Variants in SVBP observed in about 807,000 individuals in gnomAD.
SVBP encodes small vasohibin-binding protein.
SVBP carries 9 observed loss-of-function variants against 9.2 expected under a neutral mutation model. The ratio of observed to expected loss-of-function variants is 0.98; its 90% CI spans 0.59 to 1.71. The LOEUF (loss-of-function observed/expected upper bound fraction) is 1.71, where lower values mean the gene tolerates loss of function less well. SVBP is among the 40% of genes most tolerant of loss of function. The probability of loss-of-function intolerance (pLI) is 0.00; values close to 1 mark genes in which losing one functional copy is unlikely to be tolerated. For missense variants in SVBP, 63 were observed against 73.2 expected (o/e 0.86, Z 0.51); for synonymous variants, 27 against 23.9 (o/e 1.13, Z -0.37).
intron 2 of SVBP, among the ~76,000 whole-genome samples, chr1:42,809,373 G>A (rs1318668233): frequency 6.6e-6 from 1 of 151,988 alleles, no homozygotes; most frequent in African/African-American, 2.4e-5. Context: ...GAATGAAAAA[G>A]CAACCAAACC....
rs1654019472 is a variant in SVBP, at chr1:42,808,695, T to G, written c.115-1195A>C. Among the ~76,000 whole-genome samples, 4 of 151,166 alleles carry G rather than the reference T, an allele frequency of 2.6e-5. No individual in the cohort carries two copies. In the South Asian group the frequency reaches 8.3e-4, roughly 32 times the overall value. On this transcript the variant is annotated intron_variant, in intron 2 of 2. Coordinates refer to ENST00000372521, the MANE Select transcript of SVBP (RefSeq NM_199342.4). Reference sequence around the variant, plus strand: ...TATGTATGTATATATCGCATATATATATGAGCTATATATATATTTCAGACA... The same window carrying G: ...TATGTATGTATATATCGCATATATAGATGAGCTATATATATATTTCAGACA...
At chr1:42,816,294 C>T in intron 2 of SVBP, 137 bp downstream of exon 2, 1 of 639,238 alleles carries the variant, frequency 1.6e-6, no homozygotes, top group Non-Finnish European at 2.7e-6. Flanking sequence ...CAGTGTTGTC[C>T]CCTCTAAACC....
intron 2 of SVBP, among the ~76,000 whole-genome samples, chr1:42,815,873 A>G (rs1336697499): frequency 6.6e-6 from 1 of 152,254 alleles, no homozygotes; most frequent in Non-Finnish European, 1.5e-5. Context: ...ACAGATAAAC[A>G]AAACAAAGAG....
rs574293566 is a variant in SVBP, at chr1:42,814,386, G to A, written c.114+2045C>T. On this transcript the variant is annotated intron_variant, in intron 2 of 2. Transcript: ENST00000372521. ...CCACTGTGCCTGGCCAATATTTAAT[G>A]AATGAATCAGGTTAACAAAAATTAA... Among the ~76,000 whole-genome samples the A allele has an allele frequency of 1.6e-4, 24 of 151,210 alleles. No individual in the cohort carries two copies. The Middle Eastern group carries it at 0.01, about 64-fold the overall frequency.
chr1:42,817,302 C>A lies in SVBP; in HGVS notation c.-149G>T, dbSNP rs1388664289. 2 of 1,192,790 alleles carry A rather than the reference C, an allele frequency of 1.7e-6. No individual in the cohort carries two copies. Among genetic ancestry groups the A allele is most frequent in the Non-Finnish European group, 2.2e-6 (2 of 926,706 alleles). The allele number at this position is 1,192,790 out of a possible 1,614,324, so 73.9% of individuals were successfully genotyped here. A position where few individuals can be genotyped will look rare whatever the true frequency, so the allele number is the denominator to read the frequency against. ...ACTGGACCCAGCGCTGCCTGCCCAC[C>A]GCCCCTCGTCCTGGGCGGGGCCGCG... is the stretch of plus-strand genomic sequence containing the variant. On this transcript the variant is annotated 5_prime_UTR_variant, in exon 1 of 3. Coordinates refer to ENST00000372521, the MANE Select transcript of SVBP (RefSeq NM_199342.4).
At chr1:42,811,674 A>G (rs1654087635) in intron 2 of SVBP, among the ~76,000 whole-genome samples, 1 of 152,158 alleles carries the variant, frequency 6.6e-6, no homozygotes, top group Non-Finnish European at 1.5e-5. Flanking sequence ...ATTCCTTTTA[A>G]TGGTCTTCTG....
At chr1:42,814,763 G>A (rs2124252856) in intron 2 of SVBP, among the ~76,000 whole-genome samples, 1 of 152,328 alleles carries the variant, frequency 6.6e-6, no homozygotes, top group African/African-American at 2.4e-5. Context: ...CTTTTACACT[G>A]TTGGTGGGAC....
intron 2 of SVBP, among the ~76,000 whole-genome samples, chr1:42,811,928 T>A (rs59491659): frequency 0.016 from 2,387 of 152,150 alleles, 69 homozygotes; most frequent in African/African-American, 0.053. Context: ...CTGTTTTTTT[T>A]AAAAACGGAT....
chr1:42,817,214 T>C lies in SVBP; in HGVS notation c.-61A>G. 1.6e-6 allele frequency: 2 copies of C among 1,256,342 alleles called. No homozygotes were observed. The highest frequency in any genetic ancestry group is 2.1e-6 in the Non-Finnish European group (2 of 974,114). 77.8% of individuals were successfully genotyped at this position (1,256,342 alleles called of 1,614,324 possible). ...CCTTTCCCGACCGGGCCACTGGAAG[T>C]TGGAGCCTCCGCCGAGTCGCAGACA... On this transcript the variant is annotated 5_prime_UTR_variant, in exon 1 of 3. Transcript: ENST00000372521.
intron 2 of SVBP, among the ~76,000 whole-genome samples, chr1:42,811,567 T>C (rs1161243340): frequency 6.6e-6 from 1 of 152,218 alleles, no homozygotes; most frequent in African/African-American, 2.4e-5. Flanking sequence ...GGCTGCCTGC[T>C]TGGAAACACA....
chr1:42,816,541 C>G lies in SVBP; in HGVS notation c.4G>C (p.Asp2His). The G allele has an allele frequency of 6.2e-7, 1 of 1,610,234 alleles. No homozygotes were observed. The highest frequency in any genetic ancestry group is 8.5e-7 in the Non-Finnish European group (1 of 1,176,536). ...GTTTTTTCTTTACGTGCAGGTGGATCCATGGCTTGACTTCTGGATATTTCT... is the reference window on the plus strand; with the variant it reads ...GTTTTTTCTTTACGTGCAGGTGGATGCATGGCTTGACTTCTGGATATTTCT... M[D>H]PPARKEKTKV... The change falls in exon 2 of 3, where the codon GAT (aspartate) becomes CAT (histidine). Residue 2 changes from aspartate to histidine, a missense_variant. Transcript: ENST00000372521.
chr1:42,814,071 C>T (rs945559269), intron 2 of SVBP, among the ~76,000 whole-genome samples: 1 of 151,632 alleles, frequency 6.6e-6, no homozygotes, highest in Non-Finnish European at 1.5e-5. Flanking sequence ...GTGCCTGGCA[C>T]ATACTAGCAG....
rs998435951 is a variant in SVBP at position 42,816,605 on chromosome 1, T to G, written c.-36-25A>C. 7 of 1,195,584 alleles carry G rather than the reference T, an allele frequency of 5.9e-6. No individual in the cohort carries two copies. In the African/African-American group the frequency reaches 1.1e-4, roughly 18 times the overall value. The allele number at this position is 1,195,584 out of a possible 1,614,324, so 74.1% of individuals were successfully genotyped here. ...TCTGGGTGGTACAGAAAGAGGCAGA[T>G]CTTCAAAACAAAACAAAACAAAAAA... On this transcript the variant is annotated intron_variant, in intron 1 of 2. Coordinates refer to ENST00000372521, the MANE Select transcript of SVBP (RefSeq NM_199342.4).
rs142694785 is a variant in SVBP, at chr1:42,807,153, GTT to G, written c.*259_*260del. The G allele has an allele frequency of 1.6e-3, 285 of 180,414 alleles. No individual in the cohort carries two copies. The highest frequency in any genetic ancestry group is 2.1e-3 in the East Asian group (27 of 12,626). 11.2% of individuals were successfully genotyped at this position (180,414 alleles called of 1,614,324 possible). A position where few individuals can be genotyped will look rare whatever the true frequency, so the allele number is the denominator to read the frequency against. ...AATAGAAAAAGTGTTTTTTGTGTGT[GTT>G]TTTTTTTTTTTTTTAAAAAAACCCA... On this transcript the variant is annotated 3_prime_UTR_variant, in exon 3 of 3. Coordinates refer to ENST00000372521, the MANE Select transcript of SVBP (RefSeq NM_199342.4).
At chr1:42,815,221 G>A (rs1654171904) in intron 2 of SVBP, among the ~76,000 whole-genome samples, 1 of 119,790 alleles carries the variant, frequency 8.3e-6, no homozygotes, top group Admixed American at 1.0e-4. Flanking sequence ...CCTGTTGTGG[G>A]GTGGGGGGAG....
At chr1:42,810,530 G>A (rs1260086237) in intron 2 of SVBP, among the ~76,000 whole-genome samples, 5 of 152,066 alleles carry the variant, frequency 3.3e-5, no homozygotes, top group Non-Finnish European at 5.9e-5. Context: ...GCACATTACT[G>A]TACTAGGGAC....
intron 2 of SVBP, among the ~76,000 whole-genome samples, chr1:42,809,742 G>GATGAAACT (rs1654038457): frequency 6.6e-6 from 1 of 152,114 alleles, no homozygotes; most frequent in African/African-American, 2.4e-5. Context: ...GAATGCGGCT[G>GATGAAACT]ATGAAACTAG....
chr1:42,812,494 G>T (rs761828047), intron 2 of SVBP, among the ~76,000 whole-genome samples: 10 of 152,144 alleles, frequency 6.6e-5, no homozygotes, highest in Non-Finnish European at 1.2e-4. Context: ...TAGGACAGAG[G>T]TAAGTCCCAC....
At chr1:42,809,966 A>G (rs1010579407) in intron 2 of SVBP, among the ~76,000 whole-genome samples, 2 of 152,156 alleles carry the variant, frequency 1.3e-5, no homozygotes, top group African/African-American at 4.8e-5. Context: ...CAAAGAGGGT[A>G]CTGCTGGTGG....
Sources: gnomAD v4.1 joint callset for allele counts (sites outside exome capture counted in the v4.1 genomes callset) on GRCh38, gnomAD v4.1.1 for gene constraint, MANE v1.5 for transcripts, NCBI Gene and HGNC (gene_info 2026-07-23, HGNC 2026-07-21) for gene names.